The following NCEH1 variants were observed in gnomAD, a reference collection of about 807,000 sequenced individuals.
NCEH1 encodes neutral cholesterol ester hydrolase 1, also known as 2-acetyl MAGE hydrolase.
A neutral mutation model predicts 25.4 loss-of-function variants in NCEH1; 9 were observed. The ratio of observed to expected loss-of-function variants is 0.35; its 90% CI spans 0.21 to 0.62. The LOEUF is 0.62. Among genes scored for constraint, NCEH1 ranks in the 20% least tolerant of loss-of-function variants. The pLI, the probability that NCEH1 is intolerant of heterozygous loss-of-function variation, is 0.72. For synonymous variants in NCEH1, 200 were observed against 199.8 expected, an observed-to-expected ratio of 1.00 and a Z score of -0.01; for missense variants, 412 against 501.1, an observed-to-expected ratio of 0.82 and a Z score of 1.70.
In NCEH1 at chr3:172,633,529, TGA is replaced by T; in HGVS notation, c.1171_1172del (p.Val392GlyfsTer5). On this transcript the variant is annotated frameshift_variant, in exon 5 of 5. Coordinates refer to ENST00000475381, the MANE Select transcript of NCEH1 (RefSeq NM_020792.6). LOFTEE classifies it high-confidence loss of function. ...AACTATTCCTAGTCCGGATTCCCAC[TGA>T]GAAGTTGGTGGGCCAGCTAGTGAAA... ...MIFTSWPTNFSVGIRTRNSYI... is the reference protein window; with the variant it reads ...MIFTSWPTNFXVGIRTRNSYI... The T allele has an allele frequency of 6.2e-7, 1 of 1,613,614 alleles. No homozygotes were observed. Among genetic ancestry groups the T allele is most frequent in the Non-Finnish European group, 8.5e-7 (1 of 1,179,546 alleles).
intron 4 of NCEH1, 110 bp from the exon 5 acceptor site, chr3:172,634,202 G>A (rs1053681657): frequency 8.6e-6 from 9 of 1,044,344 alleles, no homozygotes; most frequent in Admixed American, 2.4e-5. Flanking sequence ...AATGGTATAA[G>A]TGTTACATTT....
chr3:172,643,534 T>C (rs1365507983), intron 3 of NCEH1, among the ~76,000 whole-genome samples: 1 of 152,194 alleles, frequency 6.6e-6, no homozygotes, highest in African/African-American at 2.4e-5. Flanking sequence ...CAATGCAAAG[T>C]TTAAATCAAA....
At chr3:172,656,691 G>A (rs530091577) in intron 1 of NCEH1, among the ~76,000 whole-genome samples, 3 of 152,086 alleles carry the variant, frequency 2.0e-5, no homozygotes, top group Non-Finnish European at 2.9e-5. Context: ...GCTTGACACC[G>A]GGAGGCAGAG....
At chr3:172,691,946 C>CAAAA (rs61592238) in intron 1 of NCEH1, among the ~76,000 whole-genome samples, 25 of 79,970 alleles carry the variant, frequency 3.1e-4, no homozygotes, top group Admixed American at 5.7e-4. Flanking sequence ...GACTCCGTCT[C>CAAAA]AAAAAAAAAA....
intron 3 of NCEH1, among the ~76,000 whole-genome samples, chr3:172,637,408 A>T (rs1490241358): frequency 6.6e-6 from 1 of 152,128 alleles, no homozygotes; most frequent in Non-Finnish European, 1.5e-5. Context: ...TCACAAACTA[A>T]TTTTTTCTAA....
chr3:172,684,203 T>C (rs1039897006), intron 1 of NCEH1, among the ~76,000 whole-genome samples: 6 of 152,238 alleles, frequency 3.9e-5, no homozygotes, highest in African/African-American at 1.4e-4. Flanking sequence ...GTTCAACACA[T>C]GCTTGTGGAA....
At chr3:172,679,767 A>G (rs1274189510) in intron 1 of NCEH1, among the ~76,000 whole-genome samples, 1 of 152,048 alleles carries the variant, frequency 6.6e-6, no homozygotes, top group Non-Finnish European at 1.5e-5. Flanking sequence ...TTCACTCAAT[A>G]TAGTGATTCC....
chr3:172,705,867 G>A (rs1280003096), intron 1 of NCEH1, among the ~76,000 whole-genome samples: 3 of 152,052 alleles, frequency 2.0e-5, no homozygotes, highest in East Asian at 3.9e-4. Flanking sequence ...GCATGGTGGC[G>A]GGCACCTGTA....
At chr3:172,673,083 A>G (rs1281070802) in intron 1 of NCEH1, among the ~76,000 whole-genome samples, 2 of 152,196 alleles carry the variant, frequency 1.3e-5, no homozygotes, top group African/African-American at 2.4e-5. Flanking sequence ...CACTAGACCC[A>G]GTCTCTCTCT....
chr3:172,660,608 C>T (rs1717929649), intron 1 of NCEH1, among the ~76,000 whole-genome samples: 1 of 152,220 alleles, frequency 6.6e-6, no homozygotes, highest in East Asian at 1.9e-4. Flanking sequence ...TAAAAGCATT[C>T]TTATTTCTCC....
chr3:172,630,633 G>T lies in NCEH1; in HGVS notation c.*2842C>A, dbSNP rs986603407. On this transcript the variant is annotated 3_prime_UTR_variant, in exon 5 of 5. Coordinates refer to ENST00000475381, the MANE Select transcript of NCEH1 (RefSeq NM_020792.6). ...TGTTTTCAAATGGGAAACAGAAAATGAGACGGGAAAATGAAAGCACATTCC... is the reference window on the plus strand; with the variant it reads ...TGTTTTCAAATGGGAAACAGAAAATTAGACGGGAAAATGAAAGCACATTCC... 2 of 152,204 alleles carry T rather than the reference G, an allele frequency of 1.3e-5. No individual in the cohort carries two copies. Among genetic ancestry groups the T allele is most frequent in the African/African-American group, 4.8e-5 (2 of 41,450 alleles). The allele number at this position is 152,204 out of a possible 1,614,324, so 9.4% of individuals were successfully genotyped here. A position where few individuals can be genotyped will look rare whatever the true frequency, so the allele number is the denominator to read the frequency against.
At chr3:172,659,034 G>C (rs547803175) in intron 1 of NCEH1, among the ~76,000 whole-genome samples, 20 of 151,810 alleles carry the variant, frequency 1.3e-4, no homozygotes, top group African/African-American at 4.4e-4. Flanking sequence ...CAGACCACGG[G>C]GGGTCAGTGA....
intron 1 of NCEH1, among the ~76,000 whole-genome samples, chr3:172,706,983 G>C (rs544434447): frequency 1.2e-4 from 18 of 152,024 alleles, no homozygotes; most frequent in Middle Eastern, 3.4e-3. Context: ...TATAGCTAGA[G>C]GTTTGCCTAT....
At chr3:172,634,969 T>C (rs534959033) in intron 4 of NCEH1, among the ~76,000 whole-genome samples, 1 of 152,216 alleles carries the variant, frequency 6.6e-6, no homozygotes, top group Non-Finnish European at 1.5e-5. Context: ...AAAAATTGTA[T>C]ACACATCACC....
At chr3:172,665,940 G>A (rs923276499) in intron 1 of NCEH1, among the ~76,000 whole-genome samples, 8 of 152,226 alleles carry the variant, frequency 5.3e-5, no homozygotes, top group South Asian at 4.1e-4. Context: ...TGTGCTTCCC[G>A]GGTGAGGCGA....
rs368719162 is a variant in NCEH1 at position 172,677,660 on chromosome 3, G to A, written c.139-29546C>T. Among the ~76,000 whole-genome samples the A allele has an allele frequency of 4.8e-4, 73 of 152,212 alleles. No homozygotes were observed. In the South Asian group the frequency reaches 0.015, roughly 30 times the overall value. ...GTTGGTGGGGGAGGGGCGGGGGGGCGGCTCACGCCTGTAATCCCGGCACTT... is the reference window on the plus strand; with the variant it reads ...GTTGGTGGGGGAGGGGCGGGGGGGCAGCTCACGCCTGTAATCCCGGCACTT... On this transcript the variant is annotated intron_variant, in intron 1 of 4. Transcript: ENST00000475381.
At position 172,658,776 on chromosome 3, in the gene NCEH1, T is replaced by G. The variant is rs940870393; in HGVS notation, c.139-10662A>C. ...GGTTTTTTTCCTCCCAGAAAACCTC[T>G]AGGGCTGCAGTTCAGTCTCAGGAAG... is the stretch of plus-strand genomic sequence containing the variant. On this transcript the variant is annotated intron_variant, in intron 1 of 4. Transcript: ENST00000475381. Among the ~76,000 whole-genome samples, 2 of 151,158 alleles carry G rather than the reference T, an allele frequency of 1.3e-5. 1 individual carries two copies. The highest frequency in any genetic ancestry group is 4.2e-4 in the South Asian group (2 of 4,770).
Position 172,633,326 on chromosome 3 carries a change from C to T in NCEH1, c.*149G>A. ...AATTCATTTTTAAAAATTAGGTTAT[C>T]ATAAAGACTTCAGTTATGGAATAGA... On this transcript the variant is annotated 3_prime_UTR_variant, in exon 5 of 5. Transcript: ENST00000475381. 1.3e-6 allele frequency: 1 copy of T among 775,828 alleles called. No homozygotes were observed. The highest frequency in any genetic ancestry group is 2.1e-6 in the Non-Finnish European group (1 of 483,248). The allele number at this position is 775,828 out of a possible 1,614,324, so 48.1% of individuals were successfully genotyped here.
chr3:172,635,290 A>C (rs1306433595), intron 4 of NCEH1, among the ~76,000 whole-genome samples: 1 of 152,236 alleles, frequency 6.6e-6, no homozygotes, highest in South Asian at 2.1e-4. Flanking sequence ...ACACCAAATG[A>C]AATTTGGAGG....
Sources: allele counts gnomAD v4.1 joint callset (sites outside exome capture counted in the v4.1 genomes callset), GRCh38; gene constraint gnomAD v4.1.1; transcripts MANE v1.5; gene names NCBI Gene and HGNC (gene_info 2026-07-23, HGNC 2026-07-21).